Variants in DNAJC10 observed in about 807,000 individuals in gnomAD.
The protein encoded by DNAJC10 is endoplasmic reticulum disulfide reductase DNAJC10.
In DNAJC10, 101 loss-of-function variants were observed where a neutral mutation model predicts 115.0. The ratio of observed to expected loss-of-function variants is 0.88; its 90% CI spans 0.75 to 1.04. The LOEUF is 1.04. Ranked by LOEUF, DNAJC10 falls within the 50% of genes least tolerant of loss-of-function variation. The probability of loss-of-function intolerance (pLI) is 0.00; values close to 1 mark genes in which losing one functional copy is unlikely to be tolerated. For synonymous variants in DNAJC10, 307 were observed against 301.5 expected (o/e 1.02, Z -0.19); for missense variants, 981 against 928.8 (o/e 1.06, Z -0.73).
At chr2:182,776,518 C>T (rs1419417885) in intron 23 of DNAJC10, among the ~76,000 whole-genome samples, 2 of 151,980 alleles carry the variant, frequency 1.3e-5, no homozygotes, top group African/African-American at 2.4e-5. Context: ...CCCTATGAGG[C>T]GAAAGGAGGA....
chr2:182,751,633 G>A (rs763417856), intron 14 of DNAJC10, 25 bp from the exon 15 acceptor site: 1 of 1,604,426 alleles, frequency 6.2e-7, no homozygotes, highest in East Asian at 2.2e-5. Flanking sequence ...ATTTGGATTT[G>A]AATTTCTCTC....
At position 182,779,281 on chromosome 2, in the gene DNAJC10, A is replaced by G. The variant is rs778671762; in HGVS notation, c.*2149A>G. 14 of 152,196 alleles carry G rather than the reference A, an allele frequency of 9.2e-5. No individual in the cohort carries two copies. The highest frequency in any genetic ancestry group is 1.5e-4 in the Non-Finnish European group (10 of 68,038). 9.4% of individuals were successfully genotyped at this position (152,196 alleles called of 1,614,324 possible). On this transcript the variant is annotated 3_prime_UTR_variant, in exon 24 of 24. Transcript: ENST00000264065. Reference sequence around the variant, plus strand: ...CTGGCAGATTGAGCTTTTAATGGCTATATTGATACAGTAGATAGAGCACCT... The same window carrying G: ...CTGGCAGATTGAGCTTTTAATGGCTGTATTGATACAGTAGATAGAGCACCT...
At chr2:182,731,855 A>T (rs1693455552) in intron 9 of DNAJC10, among the ~76,000 whole-genome samples, 1 of 152,140 alleles carries the variant, frequency 6.6e-6, no homozygotes, top group Admixed American at 6.5e-5. Context: ...CTTAAACTTA[A>T]CTAATCACCA....
Position 182,777,165 on chromosome 2 carries a change from A to T in DNAJC10, c.*33A>T. On this transcript the variant is annotated 3_prime_UTR_variant, in exon 24 of 24. Transcript: ENST00000264065. The stretch of plus-strand genomic sequence containing the variant: ...GAAGATGAAGAAAAAGTTTAAAAGA[A>T]ATTCTGACAGATGACATCAGAAGAC... 2 of 1,328,778 alleles carry T rather than the reference A, an allele frequency of 1.5e-6. No individual in the cohort carries two copies. The highest frequency in any genetic ancestry group is 3.3e-5 in the South Asian group (2 of 60,118). 82.3% of individuals were successfully genotyped at this position (1,328,778 alleles called of 1,614,324 possible).
intron 4 of DNAJC10, among the ~76,000 whole-genome samples, chr2:182,720,612 G>A (rs1461206988): frequency 6.6e-6 from 1 of 152,114 alleles, no homozygotes; most frequent in Non-Finnish European, 1.5e-5. Context: ...TAGGTGTGTA[G>A]TAAGCTATAC....
chr2:182,777,260 A>T lies in DNAJC10; in HGVS notation c.*128A>T, dbSNP rs564628177. ...ATCTTAGACTTGCAGTTGTACTGCC[A>T]GAATTATCTACAGCACTGGTGTAAA... On this transcript the variant is annotated 3_prime_UTR_variant, in exon 24 of 24. Coordinates refer to ENST00000264065, the MANE Select transcript of DNAJC10 (RefSeq NM_018981.4). 26 of 548,044 alleles carry T rather than the reference A, an allele frequency of 4.7e-5. No homozygotes were observed. Among genetic ancestry groups the T allele is most frequent in the African/African-American group, 3.9e-4 (20 of 51,680 alleles). The allele number at this position is 548,044 out of a possible 1,614,324, so 33.9% of individuals were successfully genotyped here. A position where few individuals can be genotyped will look rare whatever the true frequency, so the allele number is the denominator to read the frequency against.
chr2:182,741,448 T>C, intron 13 of DNAJC10, 92 bp downstream of exon 13: 1 of 583,248 alleles, frequency 1.7e-6, no homozygotes. Context: ...ATAAAAACTC[T>C]TATTTGAAAT....
intron 14 of DNAJC10, among the ~76,000 whole-genome samples, chr2:182,746,786 T>C (rs959029640): frequency 6.6e-6 from 1 of 152,106 alleles, no homozygotes; most frequent in African/African-American, 2.4e-5. Context: ...TTTGTTGTTT[T>C]AGACATGAAG....
Position 182,740,279 on chromosome 2 carries a change from A to G in DNAJC10, c.988-20A>G, listed in dbSNP as rs1452102191. 2.9e-6 allele frequency: 4 copies of G among 1,361,446 alleles called. No homozygotes were observed. In the African/African-American group the frequency reaches 4.5e-5, roughly 15 times the overall value. The allele number at this position is 1,361,446 out of a possible 1,614,324, so 84.3% of individuals were successfully genotyped here. ...TGAATATTTATTCAAAAAGATTACA[A>G]TGTGATTTTCTTTTTCTAGTTTCTC... On this transcript the variant is annotated intron_variant, in intron 11 of 23. Coordinates refer to ENST00000264065, the MANE Select transcript of DNAJC10 (RefSeq NM_018981.4).
chr2:182,760,063 C>T (rs1316126807), intron 21 of DNAJC10, among the ~76,000 whole-genome samples: 1 of 152,190 alleles, frequency 6.6e-6, no homozygotes, highest in African/African-American at 2.4e-5. Context: ...ACATTGACTT[C>T]AGGTGTCTGA....
At chr2:182,728,683 A>G (rs1255841142) in intron 6 of DNAJC10, 25 bp downstream of exon 6, 3 of 1,587,124 alleles carry the variant, frequency 1.9e-6, no homozygotes, top group Non-Finnish European at 2.6e-6. Flanking sequence ...CATCCTCATT[A>G]CTAGTTTTAT....
intron 8 of DNAJC10, among the ~76,000 whole-genome samples, chr2:182,730,152 T>C (rs910275913): frequency 1.3e-5 from 2 of 152,142 alleles, no homozygotes; most frequent in Non-Finnish European, 2.9e-5. Context: ...TATCGAGATA[T>C]GGGAAATGGA....
chr2:182,729,557 TA>T (rs1693387199), intron 7 of DNAJC10, among the ~76,000 whole-genome samples: 1 of 152,242 alleles, frequency 6.6e-6, no homozygotes, highest in South Asian at 2.1e-4. Context: ...TTTGGTAGTT[TA>T]CAAAGTATTT....
chr2:182,766,493 T>G (rs1694415691), intron 22 of DNAJC10, among the ~76,000 whole-genome samples: 1 of 152,174 alleles, frequency 6.6e-6, no homozygotes, highest in South Asian at 2.1e-4. Flanking sequence ...TATATTTATG[T>G]CTTGGTGAGG....
chr2:182,775,110 G>C (rs914157970), intron 22 of DNAJC10, among the ~76,000 whole-genome samples: 1 of 144,868 alleles, frequency 6.9e-6, no homozygotes, highest in Non-Finnish European at 1.5e-5. Context: ...TCATGTTTCC[G>C]TGACACTATT....
At chr2:182,754,384 T>A (rs1393199490) in intron 16 of DNAJC10, among the ~76,000 whole-genome samples, 1 of 152,176 alleles carries the variant, frequency 6.6e-6, no homozygotes, top group Non-Finnish European at 1.5e-5. Context: ...TATAACTTTT[T>A]GAAAAATAAA....
Position 182,717,040 on chromosome 2 carries a change from A to G in DNAJC10, c.-179A>G, listed in dbSNP as rs1693011992. ...GGTATATTTTTGTGGAATGAAAAGG[A>G]AGTATTAGAAATGAGCTGAAGACCA... On this transcript the variant is annotated 5_prime_UTR_variant, in exon 2 of 24. Transcript: ENST00000264065. The G allele has an allele frequency of 6.6e-6, 1 of 152,244 alleles. No individual in the cohort carries two copies. Among genetic ancestry groups the G allele is most frequent in the Non-Finnish European group, 1.5e-5 (1 of 68,042 alleles). 9.4% of individuals were successfully genotyped at this position (152,244 alleles called of 1,614,324 possible). A position where few individuals can be genotyped will look rare whatever the true frequency, so the allele number is the denominator to read the frequency against.
intron 5 of DNAJC10, among the ~76,000 whole-genome samples, chr2:182,722,439 T>A (rs1378491218): frequency 6.6e-6 from 1 of 152,202 alleles, no homozygotes; most frequent in Non-Finnish European, 1.5e-5. Context: ...TTAATTTGAT[T>A]GGCAACTTTG....
chr2:182,775,373 A>G lies in DNAJC10; in HGVS notation c.2323A>G (p.Ile775Val), dbSNP rs754077716. The G allele has an allele frequency of 3.7e-6, 6 of 1,613,416 alleles. No homozygotes were observed. Among genetic ancestry groups the G allele is most frequent in the South Asian group, 3.3e-5 (3 of 91,004 alleles). ...TRDAKAIAAL[I>V]SEKLETLRNQ... ...AGATGCAAAAGCAATCGCTGCCTTA[A>G]TAAGTGAAAAATTGGAAACTCTCCG... The change falls in exon 23 of 24, where the codon ATA becomes GTA. Residue 775 changes from isoleucine to valine, a missense_variant. Transcript: ENST00000264065.
Sources: gnomAD v4.1 joint callset for allele counts (sites outside exome capture counted in the v4.1 genomes callset) on GRCh38, gnomAD v4.1.1 for gene constraint, MANE v1.5 for transcripts, NCBI Gene and HGNC (gene_info 2026-07-23, HGNC 2026-07-21) for gene names.